ADSS1: variants seen among roughly 807,000 people sequenced by gnomAD.
ADSS1 encodes the protein adenylosuccinate synthetase isozyme 1.
ADSS1 carries 57 observed loss-of-function variants against 59.1 expected under a neutral mutation model. The ratio of observed to expected loss-of-function variants is 0.97; its 90% CI spans 0.78 to 1.20. ADSS1 has a LOEUF of 1.20. ADSS1 is among the 50% of genes most tolerant of loss of function. The probability of loss-of-function intolerance (pLI) is 0.00; values close to 1 mark genes in which losing one functional copy is unlikely to be tolerated. For missense variants in ADSS1, 603 were observed against 610.3 expected (o/e 0.99, Z 0.13); for synonymous variants, 247 against 249.4 (o/e 0.99, Z 0.09).
chr14:104,744,537 C>T, intron 10 of ADSS1: 1 of 390,050 alleles, frequency 2.6e-6, no homozygotes, highest in Non-Finnish European at 4.7e-6. Context: ...GAGCATGTGG[C>T]CTAGATCCCT....
At chr14:104,731,834 G>C (rs1441755923) in intron 1 of ADSS1, among the ~76,000 whole-genome samples, 1 of 152,202 alleles carries the variant, frequency 6.6e-6, no homozygotes, top group Admixed American at 6.5e-5. Flanking sequence ...CAGGACTCGG[G>C]GCTCAGGGCC....
chr14:104,731,419 G>C (rs60798007), intron 1 of ADSS1, among the ~76,000 whole-genome samples: 47,980 of 152,142 alleles, frequency 0.32, 8,110 homozygotes, highest in East Asian at 0.57. Context: ...CAGCCCATTG[G>C]CCATGCAGGG....
chr14:104,746,962 G>C lies in ADSS1; in HGVS notation c.1333G>C (p.Gly445Arg). The change falls in exon 13 of 13, where the codon GGT becomes CGT. Residue 445 changes from glycine (G) to arginine (R), a missense_variant. Transcript: ENST00000330877. ...TTCTGCTCTCTCAGTCAAATGGGTTGGTGTTGGCAAGTCAAGAGAGTCGAT... is the reference window on the plus strand; with the variant it reads ...TTCTGCTCTCTCAGTCAAATGGGTTCGTGTTGGCAAGTCAAGAGAGTCGAT... ...NHVGVAVKWVGVGKSRESMIQ... is the reference protein window; with the variant it reads ...NHVGVAVKWVRVGKSRESMIQ... 6.2e-7 allele frequency: 1 copy of C among 1,614,062 alleles called. No homozygotes were observed. The highest frequency in any genetic ancestry group is 8.5e-7 in the Non-Finnish European group (1 of 1,179,946).
Position 104,740,486 on chromosome 14 carries a change from A to G in ADSS1, c.477-115A>G. Reference sequence around the variant, plus strand: ...ACACACTCACAGCTCAGCCAGACACAGGCAGCAATGGTGGGCACTGGAGTC... The same window carrying G: ...ACACACTCACAGCTCAGCCAGACACGGGCAGCAATGGTGGGCACTGGAGTC... On this transcript the variant is annotated intron_variant, in intron 5 of 12. Transcript: ENST00000330877. The surrounding 1 kb of genome is among the most constrained non-coding windows in gnomAD (Gnocchi z 4.8). The G allele has an allele frequency of 1.2e-6, 1 of 865,264 alleles. No individual in the cohort carries two copies. The highest frequency in any genetic ancestry group is 1.9e-6 in the Non-Finnish European group (1 of 539,590). The allele number at this position is 865,264 out of a possible 1,614,324, so 53.6% of individuals were successfully genotyped here.
At position 104,729,508 on chromosome 14, in the gene ADSS1, G is replaced by GT. The variant is rs137982543; in HGVS notation, c.192+5047dup. On this transcript the variant is annotated intron_variant, in intron 1 of 12. Transcript: ENST00000330877. ...GTGGGAGGGAGGAGGTAGCGTCGGC[G>GT]TGGGGGAGGAGCGTGGCGTCGGCGT... is the stretch of plus-strand genomic sequence containing the variant. 7.9e-4 allele frequency among the ~76,000 whole-genome samples: 101 copies of GT among 127,898 alleles called. 4 individuals carry two copies. Among genetic ancestry groups the GT allele is most frequent in the African/African-American group, 3.0e-3 (96 of 31,832 alleles). The allele number at this position is 127,898 out of a possible 152,430, so 83.9% of individuals were successfully genotyped here.
At chr14:104,738,075 C>T in intron 2 of ADSS1, 1 of 287,126 alleles carries the variant, frequency 3.5e-6, no homozygotes, top group South Asian at 3.5e-5. Context: ...CAGCTCACTG[C>T]AACCTCCGCC....
chr14:104,742,994 G>A (rs1274370551), intron 9 of ADSS1, 73 bp from the exon 10 acceptor site: 4 of 1,594,068 alleles, frequency 2.5e-6, no homozygotes, highest in Admixed American at 3.4e-5. Context: ...GCAGGGAGGA[G>A]GGGGAGCAGC....
At position 104,738,426 on chromosome 14, in the gene ADSS1, A is replaced by G; in HGVS notation, c.346A>G (p.Asn116Asp). Residue 116 changes from asparagine (N) to aspartate (D), a missense_variant, in exon 3 of 13, where the codon AAT becomes GAT. Asn to Asp is a conservative substitution (Grantham distance 23). Coordinates refer to ENST00000330877, the MANE Select transcript of ADSS1 (RefSeq NM_152328.5). ...AGGCTTGTTTGAGGAAGCAGAGAAG[A>G]ATGAAAAGAAAGGTAGGTCCAAGCT... ...LPGLFEEAEKNEKKGLKDWEK... is the reference protein window; with the variant it reads ...LPGLFEEAEKDEKKGLKDWEK... 6.2e-7 allele frequency: 1 copy of G among 1,613,858 alleles called. No individual in the cohort carries two copies. Among genetic ancestry groups the G allele is most frequent in the South Asian group, 1.1e-5 (1 of 91,074 alleles).
chr14:104,745,166 G>T (rs910853689), intron 11 of ADSS1: 8 of 442,144 alleles, frequency 1.8e-5, no homozygotes, highest in African/African-American at 1.6e-4. Flanking sequence ...CAGGGGGACA[G>T]ACTACTCGCC....
In ADSS1 at chr14:104,746,228, T is replaced by C. The variant is rs751340696; in HGVS notation, c.1172-8T>C. ...GGGCCCCACTCATCTCCTGTGTGCTTCCCCCAGCTAACCAGGAGATGCTTC... is the reference window on the plus strand; with the variant it reads ...GGGCCCCACTCATCTCCTGTGTGCTCCCCCCAGCTAACCAGGAGATGCTTC... On this transcript the variant is annotated splice_polypyrimidine_tract_variant and splice_region_variant and intron_variant, in intron 11 of 12. Transcript: ENST00000330877. The C allele has an allele frequency of 1.9e-6, 3 of 1,603,534 alleles. No homozygotes were observed. In the African/African-American group the frequency reaches 4.0e-5, roughly 21 times the overall value.
In ADSS1 at chr14:104,741,919, C is replaced by A. The variant is rs1332434444; in HGVS notation, c.865C>A (p.Gln289Lys). The A allele has an allele frequency of 6.2e-7, 1 of 1,613,512 alleles. No homozygotes were observed. The highest frequency in any genetic ancestry group is 8.5e-7 in the Non-Finnish European group (1 of 1,180,000). The change falls in exon 9 of 13, where the codon CAG (glutamine) becomes AAG (lysine). Residue 289 changes from glutamine (Q) to lysine (K), a missense_variant. Physicochemically the swap from Gln to Lys is moderately conservative, Grantham distance 53 (BLOSUM62 1). Transcript: ENST00000330877. ...GTGCACGGGCCTGGGCATCCCCCCG[C>A]AGAACATAGGTGACGTGTATGGCGT... ...GVCTGLGIPP[Q>K]NIGDVYGVVK...
At chr14:104,725,041 G>A (rs1216225060) in intron 1 of ADSS1, among the ~76,000 whole-genome samples, 2 of 152,180 alleles carry the variant, frequency 1.3e-5, no homozygotes, top group Non-Finnish European at 2.9e-5. Flanking sequence ...TTGGGGCCGC[G>A]CCTGAGGGAG....
chr14:104,732,391 G>T (rs979218402), intron 1 of ADSS1, among the ~76,000 whole-genome samples: 8 of 152,212 alleles, frequency 5.3e-5, no homozygotes, highest in African/African-American at 1.9e-4. Context: ...ACCTCAACTG[G>T]TGATGGGGAG....
At chr14:104,739,712 T>C (rs1891264137) in intron 4 of ADSS1, 38 bp from the exon 5 acceptor site, 1 of 1,610,194 alleles carries the variant, frequency 6.2e-7, no homozygotes, top group Admixed American at 1.7e-5. Context: ...TCTGCTTCTC[T>C]CCTGTCTCCT....
At chr14:104,746,523 G>A in intron 12 of ADSS1, 138 bp downstream of exon 12, 3 of 1,263,906 alleles carry the variant, frequency 2.4e-6, no homozygotes, top group Non-Finnish European at 2.1e-6. Flanking sequence ...CAGGAGGGGA[G>A]GACGACTCGG....
In ADSS1 at chr14:104,739,983, G is replaced by A. The variant is rs910704361; in HGVS notation, c.476+167G>A. On this transcript the variant is annotated intron_variant, in intron 5 of 12. Transcript: ENST00000330877. ...TTCCACAGCGCATCACCCAACCCCC[G>A]GACGAGCCAGCCCGTCTCTCTCTGG... Among the ~76,000 whole-genome samples, 12 of 152,148 alleles carry A rather than the reference G, an allele frequency of 7.9e-5. No homozygotes were observed. The South Asian group carries it at 1.5e-3, about 18-fold the overall frequency.
chr14:104,729,015 G>C (rs192097645), intron 1 of ADSS1, among the ~76,000 whole-genome samples: 1 of 152,216 alleles, frequency 6.6e-6, no homozygotes, highest in Non-Finnish European at 1.5e-5. Context: ...TAACGCTGTG[G>C]GGAGGAGAAG....
chr14:104,735,032 G>A lies in ADSS1; in HGVS notation c.205G>A (p.Ala69Thr), dbSNP rs1229554099. The change falls in exon 2 of 13, where the codon GCC becomes ACC. Residue 69 changes from alanine to threonine, a missense_variant. Transcript: ENST00000330877. ...GTTTCTGTTCCAGGGGGGCAACAAC[G>A]CCGGCCACACGGTGGTGGTGGATGG... ...IISRCQGGNN[A>T]GHTVVVDGKE... The A allele has an allele frequency of 4.0e-5, 65 of 1,612,904 alleles. No individual in the cohort carries two copies. Among genetic ancestry groups the A allele is most frequent in the Middle Eastern group, 1.6e-4 (1 of 6,080 alleles).
At chr14:104,724,603 C>A in intron 1 of ADSS1, 141 bp downstream of exon 1, 1 of 1,104,502 alleles carries the variant, frequency 9.1e-7, no homozygotes, top group Non-Finnish European at 1.1e-6. Context: ...TTTCCCAGGG[C>A]CACCCCACCC....
Sources: allele counts gnomAD v4.1 joint callset (sites outside exome capture counted in the v4.1 genomes callset), GRCh38; gene constraint gnomAD v4.1.1; non-coding constraint Gnocchi (gnomAD v3.1); transcripts MANE v1.5; gene names NCBI Gene and HGNC (gene_info 2026-07-23, HGNC 2026-07-21).